Variants in EFCAB12 observed in about 807,000 individuals in gnomAD.
EFCAB12 encodes EF-hand calcium-binding domain-containing protein 12.
Under a neutral mutation model 53.6 loss-of-function variants are expected in EFCAB12, and 43 were observed. That is an observed-to-expected ratio of 0.80 (90% CI 0.63 to 1.03). EFCAB12 has a LOEUF of 1.03. Ranked by LOEUF, EFCAB12 falls within the 50% of genes least tolerant of loss-of-function variation. EFCAB12 has a pLI of 0.00. For missense variants in EFCAB12, 646 were observed against 730.6 expected (o/e 0.88, Z 1.34); for synonymous variants, 269 against 289.2 (o/e 0.93, Z 0.71).
intron 7 of EFCAB12, 149 bp downstream of exon 7, chr3:129,404,101 G>T: frequency 1.9e-6 from 2 of 1,049,690 alleles, no homozygotes; most frequent in South Asian, 3.3e-5. Context: ...CCAGTCTGCA[G>T]TGAGCAGTCA....
Position 129,411,144 on chromosome 3 carries a change from G to T in EFCAB12, c.1035+14C>A. ...GTCCCCAAGCCGCATGCTCTCCTTG[G>T]GCTGGCGAGGTACCTTGTGCTGTCG... is the stretch of plus-strand genomic sequence containing the variant. On this transcript the variant is annotated intron_variant, in intron 5 of 8. Transcript: ENST00000505956. The T allele has an allele frequency of 6.4e-7, 1 of 1,556,004 alleles. No homozygotes were observed. The highest frequency in any genetic ancestry group is 8.7e-7 in the Non-Finnish European group (1 of 1,151,382).
At chr3:129,406,175 G>A (rs2071948369) in intron 6 of EFCAB12, among the ~76,000 whole-genome samples, 1 of 152,204 alleles carries the variant, frequency 6.6e-6, no homozygotes, top group East Asian at 1.9e-4. Flanking sequence ...AGACAGAGCT[G>A]CAGCTCCACC....
Position 129,401,463 on chromosome 3 carries a change from C to A in EFCAB12, c.*130G>T. 7.7e-7 allele frequency: 1 copy of A among 1,306,962 alleles called. No homozygotes were observed. Among genetic ancestry groups the A allele is most frequent in the Non-Finnish European group, 1.0e-6 (1 of 976,632 alleles). 81.0% of individuals were successfully genotyped at this position (1,306,962 alleles called of 1,614,324 possible). A position where few individuals can be genotyped will look rare whatever the true frequency, so the allele number is the denominator to read the frequency against. ...TTTGAGTCCAGAGGGAACTGGCCCC[C>A]GGTCCATCCCTCTTTGAAAGGATTT... On this transcript the variant is annotated 3_prime_UTR_variant, in exon 9 of 9. Coordinates refer to ENST00000505956, the MANE Select transcript of EFCAB12 (RefSeq NM_207307.3).
At chr3:129,404,685 G>T (rs2107735486) in intron 6 of EFCAB12, among the ~76,000 whole-genome samples, 1 of 152,108 alleles carries the variant, frequency 6.6e-6, no homozygotes, top group East Asian at 1.9e-4. Flanking sequence ...TGGCTCAGGG[G>T]ACTACAGATG....
At chr3:129,403,006 C>T (rs1449529575) in intron 7 of EFCAB12, 1 of 170,734 alleles carries the variant, frequency 5.9e-6, no homozygotes, top group Non-Finnish European at 1.3e-5. Flanking sequence ...TCCCCTCCAA[C>T]CCTGAGCCTG....
At position 129,411,225 on chromosome 3, in the gene EFCAB12, C is replaced by T. The variant is rs369185688; in HGVS notation, c.968G>A (p.Arg323Gln). ...VPAVDTQMET[R>Q]PMTLEEMEEV... ...CTCCATCTCCTCCAGGGTCATGGGC[C>T]GCGTCTCCATCTGCGTGTCGACTGC... Residue 323 changes from arginine to glutamine, a missense_variant, in exon 5 of 9, where the codon CGG (arginine) becomes CAG (glutamine). By Grantham distance (43) the Arg-to-Gln change is conservative (BLOSUM62 1). Transcript: ENST00000505956. 160 of 1,613,624 alleles carry T rather than the reference C, an allele frequency of 9.9e-5. No homozygotes were observed. Among genetic ancestry groups the T allele is most frequent in the Non-Finnish European group, 1.2e-4 (145 of 1,179,826 alleles).
At chr3:129,423,511 G>T (rs9852506) in intron 1 of EFCAB12, among the ~76,000 whole-genome samples, 3 of 151,750 alleles carry the variant, frequency 2.0e-5, no homozygotes, top group Admixed American at 6.6e-5. Flanking sequence ...GCCTGTAGTC[G>T]CAGCTCCTCA....
intron 3 of EFCAB12, 113 bp downstream of exon 3, chr3:129,418,141 T>A: frequency 2.0e-6 from 2 of 1,006,832 alleles, no homozygotes; most frequent in Non-Finnish European, 2.9e-6. Context: ...TTGTGTCTAC[T>A]TCTCAGTTGA....
At chr3:129,410,596 G>A (rs960703450) in intron 5 of EFCAB12, among the ~76,000 whole-genome samples, 5 of 152,234 alleles carry the variant, frequency 3.3e-5, no homozygotes, top group Admixed American at 2.6e-4. Context: ...GGGCTAACAG[G>A]TGCGAGACAC....
At chr3:129,420,725 CCCT>C (rs1280728155) in intron 2 of EFCAB12, among the ~76,000 whole-genome samples, 3 of 151,678 alleles carry the variant, frequency 2.0e-5, no homozygotes, top group Non-Finnish European at 4.4e-5. Context: ...TCTTCTGCTT[CCCT>C]CCTTTCTAAG....
At chr3:129,408,173 T>C (rs1464563281) in intron 6 of EFCAB12, among the ~76,000 whole-genome samples, 1 of 152,224 alleles carries the variant, frequency 6.6e-6, no homozygotes, top group East Asian at 1.9e-4. Flanking sequence ...TGTCTCCACG[T>C]GCTTTCATAC....
intron 5 of EFCAB12, among the ~76,000 whole-genome samples, chr3:129,410,718 A>G (rs1314890922): frequency 6.6e-6 from 1 of 152,190 alleles, no homozygotes; most frequent in African/African-American, 2.4e-5. Flanking sequence ...TATGCTTACT[A>G]TAACACCCGG....
Position 129,408,527 on chromosome 3 carries a change from C to T in EFCAB12, c.1249+118G>A, listed in dbSNP as rs2071983082. 5 of 1,111,636 alleles carry T rather than the reference C, an allele frequency of 4.5e-6. No individual in the cohort carries two copies. The African/African-American group carries it at 4.7e-5, about 10-fold the overall frequency. The allele number at this position is 1,111,636 out of a possible 1,614,324, so 68.9% of individuals were successfully genotyped here. The stretch of plus-strand genomic sequence containing the variant: ...CCCCACTCCGCCTTATTCCCAATGT[C>T]CCCACCAGAGATTACAGTGGCTTGA... On this transcript the variant is annotated intron_variant, in intron 6 of 8. Coordinates refer to ENST00000505956, the MANE Select transcript of EFCAB12 (RefSeq NM_207307.3).
intron 1 of EFCAB12, 27 bp from the exon 2 acceptor site, chr3:129,421,830 G>A (rs756519672): frequency 3.8e-6 from 6 of 1,577,922 alleles, no homozygotes; most frequent in East Asian, 2.3e-5. Context: ...TAAAAGATGA[G>A]TTTCTCTCTG....
At chr3:129,425,134 G>A (rs551864869) in intron 1 of EFCAB12, among the ~76,000 whole-genome samples, 1 of 152,246 alleles carries the variant, frequency 6.6e-6, no homozygotes, top group East Asian at 1.9e-4. Context: ...CTAAGAGATT[G>A]AAACTTTACC....
intron 1 of EFCAB12, among the ~76,000 whole-genome samples, chr3:129,428,104 G>C (rs776739997): frequency 6.6e-6 from 1 of 152,116 alleles, no homozygotes; most frequent in Non-Finnish European, 1.5e-5. Flanking sequence ...AAGCTGCATT[G>C]CTTTGCCAAG....
intron 6 of EFCAB12, among the ~76,000 whole-genome samples, chr3:129,405,065 C>T (rs1044301633): frequency 6.6e-6 from 1 of 152,176 alleles, no homozygotes; most frequent in African/African-American, 2.4e-5. Flanking sequence ...CCTACCTACC[C>T]CGGCCTCCCA....
At chr3:129,412,428 G>GTTA in intron 4 of EFCAB12, 2 of 146,008 alleles carry the variant, frequency 1.4e-5, no homozygotes, top group Admixed American at 1.4e-4. Context: ...GTAGATGGAT[G>GTTA]GATAGATAGA....
intron 6 of EFCAB12, 88 bp downstream of exon 6, chr3:129,408,557 C>T: frequency 1.4e-6 from 2 of 1,387,020 alleles, no homozygotes; most frequent in Non-Finnish European, 2.0e-6. Context: ...GCTTGAATGG[C>T]TGCATGGGTG....
Sources: gnomAD v4.1 joint callset for allele counts (sites outside exome capture counted in the v4.1 genomes callset) on GRCh38, gnomAD v4.1.1 for gene constraint, MANE v1.5 for transcripts, NCBI Gene and HGNC (gene_info 2026-07-23, HGNC 2026-07-21) for gene names.